IGF2BP2: variants seen among roughly 807,000 people sequenced by gnomAD.
IGF2BP2 encodes insulin-like growth factor 2 mRNA-binding protein 2.
IGF2BP2 carries 17 observed loss-of-function variants against 75.8 expected under a neutral mutation model. The observed-to-expected ratio is 0.22, with a 90% CI of 0.15 to 0.34. The LOEUF is 0.34. IGF2BP2 is among the 10% of genes least tolerant of loss of function. The pLI is 1.00. For missense variants in IGF2BP2, 516 were observed against 772.4 expected (o/e 0.67, Z 3.93); for synonymous variants, 288 against 295.6 (o/e 0.97, Z 0.26).
intron 2 of IGF2BP2, among the ~76,000 whole-genome samples, chr3:185,772,128 A>G (rs1293902436): frequency 6.6e-6 from 1 of 152,092 alleles, no homozygotes; most frequent in African/African-American, 2.4e-5. Flanking sequence ...TGTCCACACT[A>G]AATTGTTTGC....
At chr3:185,801,402 T>C (rs1404242760) in intron 2 of IGF2BP2, among the ~76,000 whole-genome samples, 1 of 151,352 alleles carries the variant, frequency 6.6e-6, no homozygotes, top group East Asian at 2.0e-4. Context: ...GGCAGGAGAA[T>C]TGCTTGAACC....
intron 2 of IGF2BP2, among the ~76,000 whole-genome samples, chr3:185,813,293 C>T (rs1195935913): frequency 6.6e-6 from 1 of 152,154 alleles, no homozygotes; most frequent in African/African-American, 2.4e-5. Flanking sequence ...CAACTAGTAT[C>T]TTGTTCTCTA....
chr3:185,657,815 C>T (rs1715702693), intron 11 of IGF2BP2, among the ~76,000 whole-genome samples: 1 of 152,206 alleles, frequency 6.6e-6, no homozygotes, highest in Admixed American at 6.5e-5. Flanking sequence ...AGCTGCCCAA[C>T]ACATCTGGTA....
At chr3:185,728,080 G>T (rs1313850009) in intron 2 of IGF2BP2, among the ~76,000 whole-genome samples, 1 of 152,134 alleles carries the variant, frequency 6.6e-6, no homozygotes, top group Admixed American at 6.5e-5. Context: ...CTTCCGTTAC[G>T]TATACCTGAA....
rs980910082 is a variant in IGF2BP2 at position 185,736,820 on chromosome 3, C to A, written c.240-38473G>T. Among the ~76,000 whole-genome samples, 3 of 152,152 alleles carry A rather than the reference C, an allele frequency of 2.0e-5. No individual in the cohort carries two copies. In the South Asian group the frequency reaches 6.2e-4, roughly 32 times the overall value. ...TGAATTTGGCTTCCACAGATTGTAA[C>A]AAGAGTTTTCCTTTTGACCCTGATA... On this transcript the variant is annotated intron_variant, in intron 2 of 15. Coordinates refer to ENST00000382199, the MANE Select transcript of IGF2BP2 (RefSeq NM_006548.6).
At chr3:185,774,340 A>G (rs1734257928) in intron 2 of IGF2BP2, among the ~76,000 whole-genome samples, 1 of 152,218 alleles carries the variant, frequency 6.6e-6, no homozygotes, top group Non-Finnish European at 1.5e-5. Context: ...TCCCGCCTGT[A>G]AGGCCTGCAC....
At chr3:185,677,557 C>T (rs975404202) in intron 7 of IGF2BP2, among the ~76,000 whole-genome samples, 4 of 152,036 alleles carry the variant, frequency 2.6e-5, no homozygotes, top group African/African-American at 9.7e-5. Flanking sequence ...ACTAGGCATA[C>T]AAAGAAACAG....
intron 2 of IGF2BP2, among the ~76,000 whole-genome samples, chr3:185,769,005 C>T (rs1034897865): frequency 3.3e-5 from 5 of 150,202 alleles, no homozygotes; most frequent in East Asian, 2.0e-4. Flanking sequence ...CCAGCCTGGG[C>T]GACAGAGTGA....
chr3:185,722,010 T>C, intron 2 of IGF2BP2: 5 of 259,994 alleles, frequency 1.9e-5, no homozygotes, highest in Non-Finnish European at 3.0e-5. Context: ...AAGTACTTGT[T>C]TTTTTTTTTA....
chr3:185,690,110 C>T (rs982731339), intron 5 of IGF2BP2, among the ~76,000 whole-genome samples: 3 of 152,210 alleles, frequency 2.0e-5, no homozygotes, highest in Non-Finnish European at 4.4e-5. Flanking sequence ...TCAGGGCTTA[C>T]GGTTAACAGT....
chr3:185,788,667 A>C (rs1388550803), intron 2 of IGF2BP2, among the ~76,000 whole-genome samples: 1 of 151,476 alleles, frequency 6.6e-6, no homozygotes, highest in African/African-American at 2.4e-5. Context: ...ATAGAAATGT[A>C]ATCTCAAGTC....
intron 2 of IGF2BP2, among the ~76,000 whole-genome samples, chr3:185,700,845 T>C (rs1723195874): frequency 6.6e-6 from 1 of 152,052 alleles, no homozygotes; most frequent in Non-Finnish European, 1.5e-5. Flanking sequence ...ATAATACAGC[T>C]GAATATAGAA....
At position 185,643,413 on chromosome 3, in the gene IGF2BP2, C is replaced by T. The variant is rs1049346178; in HGVS notation, c.*2118G>A. ...GCTCCGAGGTTCGGAAACTTCAGTG[C>T]GCACAGCAATCACCCAGAGGCCTTG... is the stretch of plus-strand genomic sequence containing the variant. On this transcript the variant is annotated 3_prime_UTR_variant, in exon 16 of 16. Transcript: ENST00000382199. Among the ~76,000 whole-genome samples the T allele has an allele frequency of 2.0e-5, 3 of 152,218 alleles. No individual in the cohort carries two copies. The highest frequency in any genetic ancestry group is 4.8e-5 in the African/African-American group (2 of 41,470).
At chr3:185,824,541 AC>A (rs1741784603) in intron 1 of IGF2BP2, among the ~76,000 whole-genome samples, 3 of 129,170 alleles carry the variant, frequency 2.3e-5, no homozygotes, top group Non-Finnish European at 4.8e-5. Flanking sequence ...TCGGAGCGGC[AC>A]GGGGGGCGCC....
chr3:185,810,216 TTTTTG>T (rs964174856), intron 2 of IGF2BP2, among the ~76,000 whole-genome samples: 21 of 152,332 alleles, frequency 1.4e-4, no homozygotes, highest in Non-Finnish European at 2.5e-4. Context: ...AGTCTGAGGC[TTTTTG>T]TTTTGTTTTG....
At chr3:185,748,941 A>C (rs916111739) in intron 2 of IGF2BP2, among the ~76,000 whole-genome samples, 3 of 152,232 alleles carry the variant, frequency 2.0e-5, no homozygotes, top group African/African-American at 7.2e-5. Context: ...AGGCAGGCTG[A>C]TCACTTGAGG....
chr3:185,730,405 G>T, intron 2 of IGF2BP2, among the ~76,000 whole-genome samples: 2 of 146,364 alleles, frequency 1.4e-5, no homozygotes, highest in East Asian at 2.1e-4. Flanking sequence ...ACGGTACGAT[G>T]ATAAACATAC....
intron 2 of IGF2BP2, among the ~76,000 whole-genome samples, chr3:185,794,638 C>CT (rs143589698): frequency 6.1e-5 from 9 of 148,684 alleles, no homozygotes; most frequent in African/African-American, 1.0e-4. Flanking sequence ...GAGGTCACAT[C>CT]TTTTTTTTTC....
In IGF2BP2 at chr3:185,763,066, T is replaced by G. The variant is rs534657206; in HGVS notation, c.239+60087A>C. On this transcript the variant is annotated intron_variant, in intron 2 of 15. Transcript: ENST00000382199. ...AGATGTTTTTTTGTTTTGTTTTGTT[T>G]TTAACAACAAAAAATAAAGCAGCTA... 2.6e-5 allele frequency among the ~76,000 whole-genome samples: 4 copies of G among 152,300 alleles called. No individual in the cohort carries two copies. In the South Asian group the frequency reaches 8.3e-4, roughly 32 times the overall value.
Sources: allele counts gnomAD v4.1 joint callset (sites outside exome capture counted in the v4.1 genomes callset), GRCh38; gene constraint gnomAD v4.1.1; transcripts MANE v1.5; gene names NCBI Gene and HGNC (gene_info 2026-07-23, HGNC 2026-07-21).